Variants in UBTD1 observed in about 807,000 individuals in gnomAD.
The protein encoded by UBTD1 is ubiquitin domain containing 1, also known as ubiquitin domain-containing protein 1.
UBTD1 carries 19 observed loss-of-function variants against 21.7 expected under a neutral mutation model. The observed-to-expected ratio is 0.87, with a 90% CI of 0.61 to 1.28. The LOEUF (loss-of-function observed/expected upper bound fraction) is 1.28, where lower values mean the gene tolerates loss of function less well. UBTD1 is among the 50% of genes most tolerant of loss of function. The pLI, the probability that UBTD1 is intolerant of heterozygous loss-of-function variation, is 0.00. For missense variants in UBTD1, 282 were observed against 315.1 expected, an observed-to-expected ratio of 0.89 and a Z score of 0.80; for synonymous variants, 116 against 135.1, an observed-to-expected ratio of 0.86 and a Z score of 0.98.
chr10:97,542,815 G>C (rs2040592686), intron 1 of UBTD1, among the ~76,000 whole-genome samples: 2 of 152,206 alleles, frequency 1.3e-5, no homozygotes, highest in African/African-American at 4.8e-5. Context: ...GGCTATAAGG[G>C]CTGTCCATAT....
chr10:97,511,752 T>G (rs2040424033), intron 1 of UBTD1, among the ~76,000 whole-genome samples: 1 of 152,120 alleles, frequency 6.6e-6, no homozygotes, highest in South Asian at 2.1e-4. Context: ...TCACAGCAGC[T>G]CCAGGAATTG....
chr10:97,546,976 A>G (rs1046172949), intron 1 of UBTD1, among the ~76,000 whole-genome samples: 11 of 152,072 alleles, frequency 7.2e-5, no homozygotes, highest in African/African-American at 2.2e-4. Context: ...GGGACAAGTC[A>G]CATCACCTTT....
intron 1 of UBTD1, among the ~76,000 whole-genome samples, chr10:97,565,348 G>T (rs537940409): frequency 6.6e-6 from 1 of 152,232 alleles, no homozygotes; most frequent in Non-Finnish European, 1.5e-5. Context: ...AGTTTGCCAG[G>T]TTCCTTGGGA....
chr10:97,519,750 T>C (rs568626684), intron 1 of UBTD1, among the ~76,000 whole-genome samples: 11 of 152,344 alleles, frequency 7.2e-5, no homozygotes, highest in African/African-American at 2.4e-4. Flanking sequence ...AAGTGAGGCA[T>C]AGCAGTTTTA....
intron 1 of UBTD1, among the ~76,000 whole-genome samples, chr10:97,521,874 A>T (rs1220959466): frequency 6.6e-6 from 1 of 152,260 alleles, no homozygotes; most frequent in Non-Finnish European, 1.5e-5. Context: ...GTTGTCAAGT[A>T]GCTGGCCTTG....
rs1474286308 is a variant in UBTD1 at position 97,568,006 on chromosome 10, T to C, written c.163T>C (p.Trp55Arg). 3 of 1,614,000 alleles carry C rather than the reference T, an allele frequency of 1.9e-6. No homozygotes were observed. The highest frequency in any genetic ancestry group is 1.3e-5 in the African/African-American group (1 of 74,922). The change falls in exon 2 of 3, where the codon TGG becomes CGG. Residue 55 changes from tryptophan to arginine, a missense_variant. Physicochemically the swap from Trp to Arg is moderately radical, Grantham distance 101. Coordinates refer to ENST00000370664, the MANE Select transcript of UBTD1 (RefSeq NM_024954.5). Reference sequence around the variant, plus strand: ...GCTGCGGAGCAAACGGGATGAGTTCTGGGACACAGCGCCTGCCTTCGAGGG... The same window carrying C: ...GCTGCGGAGCAAACGGGATGAGTTCCGGGACACAGCGCCTGCCTTCGAGGG... ...GQLRSKRDEF[W>R]DTAPAFEGRK...
intron 1 of UBTD1, among the ~76,000 whole-genome samples, chr10:97,557,947 G>A (rs1312998789): frequency 6.6e-6 from 1 of 152,202 alleles, no homozygotes; most frequent in African/African-American, 2.4e-5. Context: ...ACAGTTCTCA[G>A]TCTGAGAAAG....
intron 1 of UBTD1, among the ~76,000 whole-genome samples, chr10:97,531,950 T>A (rs115160068): frequency 0.018 from 2,808 of 152,198 alleles, 97 homozygotes; most frequent in African/African-American, 0.064. Context: ...TGTGGTGTGA[T>A]GAGGAGTGGG....
intron 1 of UBTD1, among the ~76,000 whole-genome samples, chr10:97,540,930 C>T (rs904073614): frequency 6.6e-6 from 1 of 152,196 alleles, no homozygotes; most frequent in African/African-American, 2.4e-5. Context: ...TCAGCTGGGC[C>T]TTGTGTCCTG....
chr10:97,499,109 G>C lies in UBTD1; in HGVS notation c.-95G>C, dbSNP rs779176014. ...GGGAGATCGGGGAGCGCCCGATGCCGGGCGGCCGGAGCCATTGACCCGGGA... is the reference window on the plus strand; with the variant it reads ...GGGAGATCGGGGAGCGCCCGATGCCCGGCGGCCGGAGCCATTGACCCGGGA... On this transcript the variant is annotated 5_prime_UTR_variant, in exon 1 of 3. Coordinates refer to ENST00000370664, the MANE Select transcript of UBTD1 (RefSeq NM_024954.5). The C allele has an allele frequency of 1.5e-5, 20 of 1,365,978 alleles. No individual in the cohort carries two copies. Among genetic ancestry groups the C allele is most frequent in the Non-Finnish European group, 1.9e-5 (19 of 1,026,804 alleles). The allele number at this position is 1,365,978 out of a possible 1,614,324, so 84.6% of individuals were successfully genotyped here.
At chr10:97,516,725 C>T (rs1243594204) in intron 1 of UBTD1, among the ~76,000 whole-genome samples, 1 of 151,892 alleles carries the variant, frequency 6.6e-6, no homozygotes. Context: ...CAGCCGAGAT[C>T]GTGCCACTGC....
chr10:97,567,956 G>C lies in UBTD1; in HGVS notation c.113G>C (p.Ser38Thr), dbSNP rs2135690266. Residue 38 changes from serine (S) to threonine (T), a missense_variant, in exon 2 of 3, where the codon AGC becomes ACC. Coordinates refer to ENST00000370664, the MANE Select transcript of UBTD1 (RefSeq NM_024954.5). ...PLKKERLKWK[S>T]DYPMTDGQLR... is the part of the protein sequence containing the mutation. Reference sequence around the variant, plus strand: ...AAGAAAGAGCGGCTTAAGTGGAAGAGCGACTACCCCATGACTGACGGGCAG... The same window carrying C: ...AAGAAAGAGCGGCTTAAGTGGAAGACCGACTACCCCATGACTGACGGGCAG... 1.2e-6 allele frequency: 2 copies of C among 1,614,192 alleles called. No homozygotes were observed. The highest frequency in any genetic ancestry group is 3.3e-4 in the Middle Eastern group (2 of 6,062).
chr10:97,558,290 T>C (rs2040674697), intron 1 of UBTD1, among the ~76,000 whole-genome samples: 2 of 152,216 alleles, frequency 1.3e-5, no homozygotes, highest in Admixed American at 1.3e-4. Flanking sequence ...TCAATGGTTA[T>C]GCGGGGATCT....
chr10:97,526,469 A>G (rs1237741368), intron 1 of UBTD1, among the ~76,000 whole-genome samples: 3 of 152,196 alleles, frequency 2.0e-5, no homozygotes, highest in African/African-American at 7.2e-5. Context: ...TCTGCCTACC[A>G]TGATCGACAC....
chr10:97,545,985 A>G (rs566872216), intron 1 of UBTD1, among the ~76,000 whole-genome samples: 1 of 152,262 alleles, frequency 6.6e-6, no homozygotes, highest in African/African-American at 2.4e-5. Flanking sequence ...GGGTTTCACC[A>G]TGTTTGCCAG....
chr10:97,512,195 C>G lies in UBTD1; in HGVS notation c.70+12922C>G, dbSNP rs2040425548. ...AATCTATTTCCACATGTCCCCATCCCTGGCCCCTGGCCCAGGCAGCAGATC... is the reference window on the plus strand; with the variant it reads ...AATCTATTTCCACATGTCCCCATCCGTGGCCCCTGGCCCAGGCAGCAGATC... On this transcript the variant is annotated intron_variant, in intron 1 of 2. Transcript: ENST00000370664. Among the ~76,000 whole-genome samples the G allele has an allele frequency of 3.3e-5, 5 of 152,318 alleles. No individual in the cohort carries two copies. In the South Asian group the frequency reaches 1.0e-3, roughly 32 times the overall value.
rs998612651 is a variant in UBTD1, at chr10:97,499,320, C to T, written c.70+47C>T. 12 of 1,535,566 alleles carry T rather than the reference C, an allele frequency of 7.8e-6. No homozygotes were observed. In the African/African-American group the frequency reaches 1.1e-4, roughly 14 times the overall value. On this transcript the variant is annotated intron_variant, in intron 1 of 2. Coordinates refer to ENST00000370664, the MANE Select transcript of UBTD1 (RefSeq NM_024954.5). ...GGGCCTCGGGCATCCCGCCAGTTGT[C>T]CCCCTCCTCGCCCGAGTCCTGGGCT...
chr10:97,549,715 C>G (rs1308982499), intron 1 of UBTD1, among the ~76,000 whole-genome samples: 1 of 152,206 alleles, frequency 6.6e-6, no homozygotes, highest in Non-Finnish European at 1.5e-5. Flanking sequence ...CTTTCCCTCC[C>G]TGAGCTGGGG....
chr10:97,515,687 C>A (rs1333487453), intron 1 of UBTD1, among the ~76,000 whole-genome samples: 1 of 152,164 alleles, frequency 6.6e-6, no homozygotes, highest in Non-Finnish European at 1.5e-5. Context: ...TGAGCCCACA[C>A]GGTCCCAAAT....
Sources: allele counts gnomAD v4.1 joint callset (sites outside exome capture counted in the v4.1 genomes callset), GRCh38; gene constraint gnomAD v4.1.1; transcripts MANE v1.5; gene names NCBI Gene and HGNC (gene_info 2026-07-23, HGNC 2026-07-21).